Variants in ZBTB40 observed in about 807,000 individuals in gnomAD.
The protein encoded by ZBTB40 is zinc finger and BTB domain containing 40.
Under a neutral mutation model 117.5 loss-of-function variants are expected in ZBTB40, and 60 were observed. That is an observed-to-expected ratio of 0.51 (90% CI 0.41 to 0.63). ZBTB40 has a LOEUF of 0.63. ZBTB40 is among the 30% of genes least tolerant of loss of function. The probability of loss-of-function intolerance (pLI) is 0.00; values close to 1 mark genes in which losing one functional copy is unlikely to be tolerated. For missense variants in ZBTB40, 1,287 were observed against 1,498.5 expected (o/e 0.86, Z 2.33); for synonymous variants, 525 against 577.1 (o/e 0.91, Z 1.29).
At chr1:22,474,198 G>A (rs965105831) in intron 1 of ZBTB40, among the ~76,000 whole-genome samples, 7 of 152,182 alleles carry the variant, frequency 4.6e-5, no homozygotes, top group Non-Finnish European at 8.8e-5. Flanking sequence ...CAGGCCATTC[G>A]AGTATCGCTC....
intron 1 of ZBTB40, among the ~76,000 whole-genome samples, chr1:22,477,318 T>C (rs1005263144): frequency 6.6e-6 from 1 of 152,162 alleles, no homozygotes; most frequent in Admixed American, 6.5e-5. Flanking sequence ...ACACATACAG[T>C]GCTTAACAAT....
chr1:22,512,909 G>A lies in ZBTB40; in HGVS notation c.2462-15G>A. The A allele has an allele frequency of 6.2e-7, 1 of 1,614,028 alleles. No homozygotes were observed. Among genetic ancestry groups the A allele is most frequent in the Non-Finnish European group, 8.5e-7 (1 of 1,179,918 alleles). ...TAGCATCTCTTCTGGCCTCTGGTGTGCTTGGCTTCCCTAGGCATGCAGTAC... is the reference window on the plus strand; with the variant it reads ...TAGCATCTCTTCTGGCCTCTGGTGTACTTGGCTTCCCTAGGCATGCAGTAC... On this transcript the variant is annotated splice_polypyrimidine_tract_variant and intron_variant, in intron 11 of 17. Transcript: ENST00000375647.
At chr1:22,455,684 G>A (rs1257837233) in intron 1 of ZBTB40, among the ~76,000 whole-genome samples, 1 of 152,150 alleles carries the variant, frequency 6.6e-6, no homozygotes, top group African/African-American at 2.4e-5. Context: ...AGGATAGTAT[G>A]AAACTGCAAG....
rs1557503750 is a variant in ZBTB40, at chr1:22,491,477, C to T, written c.775C>T (p.Gln259Ter). 1 of 1,613,774 alleles carries T rather than the reference C, an allele frequency of 6.2e-7. No individual in the cohort carries two copies. Among genetic ancestry groups the T allele is most frequent in the African/African-American group, 1.3e-5 (1 of 74,862 alleles). Reference protein sequence around the residue: ...GVFSDALMVTQDVLKKLEMCS... With the variant: ...GVFSDALMVT ...CTTCTCAGATGCACTCATGGTTACC[C>T]AGGATGTTTTAAAAAAACTAGAAAT... Residue 259 changes from glutamine (Q) to a stop codon, truncating the protein, a stop_gained, in exon 3 of 18, where the codon CAG (glutamine) becomes TAG (stop). Transcript: ENST00000375647. LOFTEE classifies it high-confidence loss of function.
At chr1:22,467,886 G>A (rs2124399228) in intron 1 of ZBTB40, among the ~76,000 whole-genome samples, 1 of 151,620 alleles carries the variant, frequency 6.6e-6, no homozygotes, top group African/African-American at 2.4e-5. Flanking sequence ...TTGAACCCAG[G>A]AGTTCGCGAG....
chr1:22,475,478 G>T (rs1442745058), intron 1 of ZBTB40, among the ~76,000 whole-genome samples: 1 of 152,194 alleles, frequency 6.6e-6, no homozygotes, highest in Non-Finnish European at 1.5e-5. Flanking sequence ...GCAAGCATAT[G>T]TTATTTCCAG....
intron 1 of ZBTB40, among the ~76,000 whole-genome samples, chr1:22,444,360 C>T (rs1640766180): frequency 6.6e-6 from 1 of 152,100 alleles, no homozygotes. Context: ...TCAGAGGTTG[C>T]AGTGAACTGA....
chr1:22,520,354 G>A, intron 14 of ZBTB40, 79 bp downstream of exon 14: 1 of 1,212,352 alleles, frequency 8.2e-7, no homozygotes, highest in Non-Finnish European at 1.2e-6. Flanking sequence ...TGCCCGGGTT[G>A]GTGGCTTGCA....
chr1:22,512,422 A>G (rs1299689043), intron 11 of ZBTB40, among the ~76,000 whole-genome samples: 1 of 152,246 alleles, frequency 6.6e-6, no homozygotes, highest in Non-Finnish European at 1.5e-5. Context: ...TGCCTGTAAC[A>G]GAGTGAGCAC....
At position 22,520,149 on chromosome 1, in the gene ZBTB40, C is replaced by T; in HGVS notation, c.2922C>T (p.Ser974=). 3 of 1,614,202 alleles carry T rather than the reference C, an allele frequency of 1.9e-6. No homozygotes were observed. Among genetic ancestry groups the T allele is most frequent in the Non-Finnish European group, 2.5e-6 (3 of 1,180,032 alleles). The part of the protein sequence containing the change: ...DHRKHIHEVH[S]KEYHPCPTCG... ...GGAAGCACATCCATGAGGTGCACTC[C>T]AAAGAGTACCACCCCTGCCCCACGT... The change falls in exon 14 of 18, where the codon TCC becomes TCT. Residue 974 remains serine, a synonymous_variant. Transcript: ENST00000375647.
intron 1 of ZBTB40, among the ~76,000 whole-genome samples, chr1:22,477,541 C>G (rs1224371505): frequency 6.6e-6 from 1 of 151,798 alleles, no homozygotes; most frequent in East Asian, 1.9e-4. Context: ...CCCAGCTACT[C>G]AGGCAGCTGA....
intron 1 of ZBTB40, among the ~76,000 whole-genome samples, chr1:22,445,361 G>C (rs1157106450): frequency 6.6e-6 from 1 of 152,132 alleles, no homozygotes; most frequent in Non-Finnish European, 1.5e-5. Flanking sequence ...TAAATCAGGG[G>C]AAAAACTGAG....
chr1:22,521,752 G>A, intron 15 of ZBTB40, 94 bp downstream of exon 15: 1 of 1,547,500 alleles, frequency 6.5e-7, no homozygotes, highest in Non-Finnish European at 8.9e-7. Context: ...ATAGTCTAGT[G>A]TGATGTGCAG....
At position 22,505,931 on chromosome 1, in the gene ZBTB40, G is replaced by C. The variant is rs139122219; in HGVS notation, c.1168-118G>C. 111 of 1,004,724 alleles carry C rather than the reference G, an allele frequency of 1.1e-4. No homozygotes were observed. In the African/African-American group the frequency reaches 1.7e-3, roughly 15 times the overall value. 62.2% of individuals were successfully genotyped at this position (1,004,724 alleles called of 1,614,324 possible). A position where few individuals can be genotyped will look rare whatever the true frequency, so the allele number is the denominator to read the frequency against. On this transcript the variant is annotated intron_variant, in intron 5 of 17. Coordinates refer to ENST00000375647, the MANE Select transcript of ZBTB40 (RefSeq NM_014870.4). Reference sequence around the variant, plus strand: ...AAAAAAGTAATGCTAGAGACCAACAGAAGAGGACTTGGAGATCAGGCATCT... The same window carrying C: ...AAAAAAGTAATGCTAGAGACCAACACAAGAGGACTTGGAGATCAGGCATCT...
At chr1:22,429,323 G>T (rs1640545979) in intron 1 of ZBTB40, among the ~76,000 whole-genome samples, 1 of 152,094 alleles carries the variant, frequency 6.6e-6, no homozygotes, top group Admixed American at 6.5e-5. Context: ...GGAGCTTGCA[G>T]TGAGCCGACA....
At chr1:22,438,718 A>G (rs531584717) in intron 1 of ZBTB40, among the ~76,000 whole-genome samples, 1 of 152,232 alleles carries the variant, frequency 6.6e-6, no homozygotes, top group East Asian at 1.9e-4. Flanking sequence ...AGCTGTCCTA[A>G]TGAGTGTTGA....
Position 22,520,164 on chromosome 1 carries a change from CT to C in ZBTB40, c.2938del (p.Cys980AlafsTer19). 1 of 1,614,210 alleles carries C rather than the reference CT, an allele frequency of 6.2e-7. No homozygotes were observed. Among genetic ancestry groups the C allele is most frequent in the Non-Finnish European group, 8.5e-7 (1 of 1,180,030 alleles). On this transcript the variant is annotated frameshift_variant, in exon 14 of 18. Transcript: ENST00000375647. LOFTEE classifies it high-confidence loss of function. Reference protein sequence around the residue: ...HEVHSKEYHPCPTCGKIFSAP... With the variant: ...HEVHSKEYHPXPTCGKIFSAP... ...AGGTGCACTCCAAAGAGTACCACCC[CT>C]GCCCCACGTGTGGGAAGATCTTCAG...
chr1:22,494,983 T>A (rs528593055), intron 3 of ZBTB40, among the ~76,000 whole-genome samples: 2 of 152,372 alleles, frequency 1.3e-5, no homozygotes, highest in Admixed American at 1.3e-4. Context: ...GTATTTTGTT[T>A]TTCTGTTTAT....
At chr1:22,503,463 A>G (rs891777786) in intron 5 of ZBTB40, among the ~76,000 whole-genome samples, 8 of 152,080 alleles carry the variant, frequency 5.3e-5, no homozygotes, top group Admixed American at 3.3e-4. Flanking sequence ...TGTGGCATCA[A>G]TTCCTAAAAC....
Sources: allele counts gnomAD v4.1 joint callset (sites outside exome capture counted in the v4.1 genomes callset), GRCh38; gene constraint gnomAD v4.1.1; transcripts MANE v1.5; gene names NCBI Gene and HGNC (gene_info 2026-07-23, HGNC 2026-07-21).